Variants in DPYD observed in about 807,000 individuals in gnomAD.
DPYD encodes dihydropyrimidine dehydrogenase [NADP(+)].
In DPYD, 109 loss-of-function variants were observed where a neutral mutation model predicts 116.2. The observed-to-expected ratio is 0.94, with a 90% CI of 0.80 to 1.10. The LOEUF (loss-of-function observed/expected upper bound fraction) is 1.10, where lower values mean the gene tolerates loss of function less well. DPYD is among the 50% of genes least tolerant of loss of function. DPYD has a pLI of 0.00. For synonymous variants in DPYD, 440 were observed against 432.0 expected (o/e 1.02, Z -0.23); for missense variants, 1,302 against 1,254.5 (o/e 1.04, Z -0.57).
chr1:97,590,206 C>T (rs545314391), intron 10 of DPYD, among the ~76,000 whole-genome samples: 1 of 152,150 alleles, frequency 6.6e-6, no homozygotes, highest in Non-Finnish European at 1.5e-5. Context: ...CATGGTATTA[C>T]CCCTGGTAAG....
intron 2 of DPYD, among the ~76,000 whole-genome samples, chr1:97,838,749 G>A (rs1017152068): frequency 6.6e-6 from 1 of 152,176 alleles, no homozygotes; most frequent in Non-Finnish European, 1.5e-5. Flanking sequence ...GGAGGCTGAG[G>A]CAGGAGAATG....
At chr1:97,480,912 G>A (rs1678259565) in intron 13 of DPYD, among the ~76,000 whole-genome samples, 1 of 152,002 alleles carries the variant, frequency 6.6e-6, no homozygotes, top group African/African-American at 2.4e-5. Flanking sequence ...CCCAGGAGGC[G>A]GAGGTTGCAG....
Position 97,457,166 on chromosome 1 carries a change from A to T in DPYD, c.1741-6943T>A, listed in dbSNP as rs1251530420. On this transcript the variant is annotated intron_variant, in intron 13 of 22. Coordinates refer to ENST00000370192, the MANE Select transcript of DPYD (RefSeq NM_000110.4). ...TTCTAAAATGAATAAGAAAAAATGT[A>T]CGACCTGATTAGGCTTAAAAGACGG... Among the ~76,000 whole-genome samples the T allele has an allele frequency of 4.0e-5, 6 of 150,362 alleles. No homozygotes were observed. The East Asian group carries it at 9.6e-4, about 24-fold the overall frequency.
chr1:97,559,697 A>T (rs975857730), intron 11 of DPYD, among the ~76,000 whole-genome samples: 3 of 152,196 alleles, frequency 2.0e-5, no homozygotes, highest in Non-Finnish European at 2.9e-5. Context: ...AACTTAAAAC[A>T]CACAGTAGAA....
At chr1:97,673,941 A>G (rs912877688) in intron 8 of DPYD, among the ~76,000 whole-genome samples, 12 of 152,244 alleles carry the variant, frequency 7.9e-5, no homozygotes, top group South Asian at 6.2e-4. Flanking sequence ...GAATGGCTGA[A>G]TCACATAATT....
intron 1 of DPYD, among the ~76,000 whole-genome samples, chr1:97,907,822 A>C (rs1033148238): frequency 5.9e-5 from 9 of 152,042 alleles, no homozygotes; most frequent in African/African-American, 2.2e-4. Context: ...CCATTAAAAA[A>C]ATTACACAAA....
intron 14 of DPYD, among the ~76,000 whole-genome samples, chr1:97,405,348 C>T (rs1431989627): frequency 6.6e-6 from 1 of 151,942 alleles, no homozygotes; most frequent in Non-Finnish European, 1.5e-5. Flanking sequence ...GAAAAACTTC[C>T]ATTAACATTT....
At chr1:97,829,088 CT>C (rs1283441349) in intron 2 of DPYD, among the ~76,000 whole-genome samples, 2 of 151,454 alleles carry the variant, frequency 1.3e-5, no homozygotes, top group Non-Finnish European at 3.0e-5. Context: ...CCCTAGATTT[CT>C]TATGGAATTT....
At chr1:97,486,924 A>C (rs1412253336) in intron 13 of DPYD, among the ~76,000 whole-genome samples, 1 of 151,874 alleles carries the variant, frequency 6.6e-6, no homozygotes, top group Non-Finnish European at 1.5e-5. Flanking sequence ...GCATTATTAA[A>C]ATAGCAAGCA....
chr1:97,435,413 T>C (rs965714745), intron 14 of DPYD, among the ~76,000 whole-genome samples: 3 of 151,982 alleles, frequency 2.0e-5, no homozygotes, highest in Middle Eastern at 3.2e-3. Flanking sequence ...ATTAAAGAAT[T>C]CATTATACAC....
chr1:97,173,249 CATATATGCACACATATGTACAT>C (rs531934224), intron 20 of DPYD, among the ~76,000 whole-genome samples: 1,222 of 116,634 alleles, frequency 0.01, 19 homozygotes, highest in African/African-American at 0.036. Context: ...CATATATGTA[CATATATGCACACATATGTACAT>C]ATATATGCAC....
intron 1 of DPYD, among the ~76,000 whole-genome samples, chr1:97,885,844 A>G (rs1672460205): frequency 6.6e-6 from 1 of 152,116 alleles, no homozygotes; most frequent in Admixed American, 6.6e-5. Flanking sequence ...GATATAAGGT[A>G]GGAAACATTT....
chr1:97,285,797 T>C (rs535113172), intron 18 of DPYD, among the ~76,000 whole-genome samples: 1 of 151,654 alleles, frequency 6.6e-6, no homozygotes, highest in South Asian at 2.1e-4. Flanking sequence ...AATTCTCCCA[T>C]CTCATTAAAT....
intron 20 of DPYD, among the ~76,000 whole-genome samples, chr1:97,120,637 A>T (rs1228364882): frequency 1.3e-5 from 2 of 152,162 alleles, no homozygotes; most frequent in Admixed American, 1.3e-4. Context: ...AATTTGTGTC[A>T]ATAGGAAAAT....
At chr1:97,463,557 A>G (rs1021951640) in intron 13 of DPYD, among the ~76,000 whole-genome samples, 1 of 152,174 alleles carries the variant, frequency 6.6e-6, no homozygotes, top group Non-Finnish European at 1.5e-5. Flanking sequence ...AGTGACTATG[A>G]AACTGGATAG....
chr1:97,710,826 G>C (rs1330996691), intron 5 of DPYD, among the ~76,000 whole-genome samples: 1 of 151,708 alleles, frequency 6.6e-6, no homozygotes, highest in African/African-American at 2.4e-5. Flanking sequence ...GTCTGGAACA[G>C]GGTTAATTTT....
chr1:97,484,720 A>G (rs1050742976), intron 13 of DPYD, among the ~76,000 whole-genome samples: 1 of 152,174 alleles, frequency 6.6e-6, no homozygotes, highest in African/African-American at 2.4e-5. Context: ...AAAGATGTTC[A>G]CAACTTTCCC....
chr1:97,133,187 TTATTA>T (rs1163946243), intron 20 of DPYD, among the ~76,000 whole-genome samples: 1 of 152,080 alleles, frequency 6.6e-6, no homozygotes, highest in Non-Finnish European at 1.5e-5. Flanking sequence ...TCTGCCACAC[TTATTA>T]TATTTTTCCC....
intron 20 of DPYD, among the ~76,000 whole-genome samples, chr1:97,154,665 T>G (rs182636061): frequency 2.1e-4 from 32 of 150,016 alleles, no homozygotes; most frequent in Admixed American, 8.0e-4. Flanking sequence ...CAGCAAAGAT[T>G]GCGCCACTGC....
Sources: allele counts gnomAD v4.1 joint callset (sites outside exome capture counted in the v4.1 genomes callset), GRCh38; gene constraint gnomAD v4.1.1; transcripts MANE v1.5; gene names NCBI Gene and HGNC (gene_info 2026-07-23, HGNC 2026-07-21).